Variants in EFEMP1 observed in about 807,000 individuals in gnomAD.
EFEMP1 encodes the protein EGF-containing fibulin-like extracellular matrix protein 1.
In EFEMP1, 18 loss-of-function variants were observed where a neutral mutation model predicts 65.7. That is an observed-to-expected ratio of 0.27 (90% CI 0.19 to 0.41). EFEMP1 has a LOEUF of 0.41. Ranked by LOEUF, EFEMP1 falls within the 10% of genes least tolerant of loss-of-function variation. The pLI, the probability that EFEMP1 is intolerant of heterozygous loss-of-function variation, is 1.00. For missense variants in EFEMP1, 469 were observed against 624.8 expected, an observed-to-expected ratio of 0.75 and a Z score of 2.66; for synonymous variants, 237 against 219.7, an observed-to-expected ratio of 1.08 and a Z score of -0.70.
At chr2:55,916,193 T>C (rs1246933340) in intron 5 of EFEMP1, among the ~76,000 whole-genome samples, 4 of 150,306 alleles carry the variant, frequency 2.7e-5, no homozygotes, top group Non-Finnish European at 5.9e-5. Flanking sequence ...CACTGCAACC[T>C]TCACCTCCCA....
chr2:55,884,601 G>C (rs1669357370), intron 5 of EFEMP1, among the ~76,000 whole-genome samples: 1 of 152,144 alleles, frequency 6.6e-6, no homozygotes, highest in African/African-American at 2.4e-5. Flanking sequence ...AGAAAAATCT[G>C]TTTCCTACAT....
At chr2:55,878,812 A>G (rs1328396636) in intron 6 of EFEMP1, among the ~76,000 whole-genome samples, 1 of 152,188 alleles carries the variant, frequency 6.6e-6, no homozygotes, top group Non-Finnish European at 1.5e-5. Context: ...TCGAGCTTGC[A>G]TTTCCTCTTC....
At chr2:55,874,895 C>T in intron 9 of EFEMP1, 51 bp downstream of exon 9, 1 of 1,558,672 alleles carries the variant, frequency 6.4e-7, no homozygotes, top group South Asian at 1.1e-5. Context: ...CCTCTTGTCT[C>T]TTCCTGGCTA....
intron 5 of EFEMP1, among the ~76,000 whole-genome samples, chr2:55,910,898 G>A (rs1670457081): frequency 6.6e-6 from 1 of 152,150 alleles, no homozygotes; most frequent in Non-Finnish European, 1.5e-5. Flanking sequence ...CAAAGTCAGA[G>A]TCAATCTCCT....
chr2:55,874,705 AG>A (rs1465442295), intron 9 of EFEMP1, among the ~76,000 whole-genome samples: 7 of 152,100 alleles, frequency 4.6e-5, no homozygotes, highest in African/African-American at 1.4e-4. Context: ...TAGGTTACAT[AG>A]AATACATATC....
intron 11 of EFEMP1, among the ~76,000 whole-genome samples, chr2:55,869,621 T>A (rs937863463): frequency 1.3e-5 from 2 of 152,120 alleles, no homozygotes; most frequent in African/African-American, 4.8e-5. Context: ...TGGGTAAACA[T>A]TAAAAATCTG....
chr2:55,876,793 C>T, intron 7 of EFEMP1, 51 bp from the exon 8 acceptor site: 11 of 1,082,342 alleles, frequency 1.0e-5, no homozygotes, highest in Non-Finnish European at 1.4e-5. Flanking sequence ...TATATACACA[C>T]ACATATATAT....
At chr2:55,869,333 A>C (rs1469416771) in intron 11 of EFEMP1, among the ~76,000 whole-genome samples, 1 of 152,194 alleles carries the variant, frequency 6.6e-6, no homozygotes, top group Non-Finnish European at 1.5e-5. Context: ...GGCTAGAATT[A>C]GTTAATTGGT....
chr2:55,891,338 T>G (rs1299393875), intron 5 of EFEMP1, among the ~76,000 whole-genome samples: 1 of 152,260 alleles, frequency 6.6e-6, no homozygotes, highest in Non-Finnish European at 1.5e-5. Context: ...AGTGTTAACA[T>G]GCTACATGCA....
intron 5 of EFEMP1, among the ~76,000 whole-genome samples, chr2:55,912,126 C>T (rs1049921377): frequency 1.3e-5 from 2 of 152,034 alleles, no homozygotes; most frequent in East Asian, 1.9e-4. Context: ...GCTAAATGCC[C>T]ATTTTTCTTA....
At position 55,876,507 on chromosome 2, in the gene EFEMP1, T is replaced by C; in HGVS notation, c.880+116A>G. 3 of 1,459,902 alleles carry C rather than the reference T, an allele frequency of 2.1e-6. No individual in the cohort carries two copies. The South Asian group carries it at 3.7e-5, about 18-fold the overall frequency. 90.4% of individuals were successfully genotyped at this position (1,459,902 alleles called of 1,614,324 possible). ...CAACTGAACTACATTAACTGGATTT[T>C]AGAACAGAATTCCCATGGGTAAGCG... On this transcript the variant is annotated intron_variant, in intron 8 of 11. Coordinates refer to ENST00000355426, the MANE Select transcript of EFEMP1 (RefSeq NM_001039348.3).
chr2:55,876,318 A>T (rs1235263097), intron 8 of EFEMP1, among the ~76,000 whole-genome samples: 4 of 152,152 alleles, frequency 2.6e-5, no homozygotes, highest in African/African-American at 9.7e-5. Context: ...TGCATTTCTC[A>T]TAAGCTCCCA....
chr2:55,922,166 A>G lies in EFEMP1; in HGVS notation c.81+194T>C. ...ATGTTGGTTCCTATCTTAGGTGGTG[A>G]GCCCAATGAACTTTTGAAAGGATCA... On this transcript the variant is annotated intron_variant, in intron 3 of 11. Coordinates refer to ENST00000355426, the MANE Select transcript of EFEMP1 (RefSeq NM_001039348.3). The surrounding 1 kb of genome is among the most constrained non-coding windows in gnomAD (Gnocchi z 5.5). The G allele has an allele frequency of 1.7e-6, 1 of 584,488 alleles. No individual in the cohort carries two copies. The highest frequency in any genetic ancestry group is 3.1e-6 in the Non-Finnish European group (1 of 319,260). The allele number at this position is 584,488 out of a possible 1,614,324, so 36.2% of individuals were successfully genotyped here. A position where few individuals can be genotyped will look rare whatever the true frequency, so the allele number is the denominator to read the frequency against.
intron 9 of EFEMP1, among the ~76,000 whole-genome samples, chr2:55,872,604 A>G (rs934466409): frequency 1.3e-4 from 20 of 152,126 alleles, no homozygotes; most frequent in African/African-American, 4.1e-4. Context: ...TCAAGTTCAT[A>G]TACTCTAAAT....
chr2:55,877,567 G>C lies in EFEMP1; in HGVS notation c.760+179C>G, dbSNP rs1279258318. Among the ~76,000 whole-genome samples the C allele has an allele frequency of 6.6e-6, 1 of 152,092 alleles. No individual in the cohort carries two copies. The highest frequency in any genetic ancestry group is 1.5e-5 in the Non-Finnish European group (1 of 68,008). ...TAAAACCAAAGTTAAAAAGTTTTCT[G>C]TTCACATCTTGATGTGTTTTAAGAC... On this transcript the variant is annotated intron_variant, in intron 7 of 11. Transcript: ENST00000355426. This position sits in a 1 kb window ranked among gnomAD's most constrained non-coding sequence, Gnocchi z 4.5.
At position 55,870,578 on chromosome 2, in the gene EFEMP1, G is replaced by T; in HGVS notation, c.1320+142C>A. 2.2e-6 allele frequency: 2 copies of T among 893,008 alleles called. No homozygotes were observed. The highest frequency in any genetic ancestry group is 3.1e-4 in the Middle Eastern group (1 of 3,186). The allele number at this position is 893,008 out of a possible 1,614,324, so 55.3% of individuals were successfully genotyped here. ...ATAAATGAAATAATGTAGCTGGAAG[G>T]CCTTACACAATGCCTACACATAAGA... On this transcript the variant is annotated intron_variant, in intron 11 of 11. Coordinates refer to ENST00000355426, the MANE Select transcript of EFEMP1 (RefSeq NM_001039348.3). This position sits in a 1 kb window ranked among gnomAD's most constrained non-coding sequence, Gnocchi z 5.8.
At chr2:55,879,419 T>C (rs905324908) in intron 6 of EFEMP1, among the ~76,000 whole-genome samples, 2 of 152,252 alleles carry the variant, frequency 1.3e-5, no homozygotes, top group African/African-American at 4.8e-5. Flanking sequence ...GGCTATGAAT[T>C]TGTAAAATTT....
chr2:55,907,271 G>T (rs1248065806), intron 5 of EFEMP1, among the ~76,000 whole-genome samples: 2 of 152,160 alleles, frequency 1.3e-5, no homozygotes, highest in Non-Finnish European at 2.9e-5. Flanking sequence ...ATGTGTATAG[G>T]CATGTACTTG....
In EFEMP1 at chr2:55,873,066, C is replaced by CCACACACA. The variant is rs58841515; in HGVS notation, c.1000+1872_1000+1879dup. Among the ~76,000 whole-genome samples, 12,324 of 145,290 alleles carry CCACACACA rather than the reference C, an allele frequency of 0.085. 658 individuals are homozygous for CCACACACA. Among genetic ancestry groups the CCACACACA allele is most frequent in the East Asian group, 0.17 (847 of 4,842 alleles). On this transcript the variant is annotated intron_variant, in intron 9 of 11. Coordinates refer to ENST00000355426, the MANE Select transcript of EFEMP1 (RefSeq NM_001039348.3). The surrounding 1 kb of genome is among the most constrained non-coding windows in gnomAD (Gnocchi z 4.6). ...TTCTTTTGTCTCTCTGTCTCTCTCTCCACACACACACACACACACACACAC... is the reference window on the plus strand; with the variant it reads ...TTCTTTTGTCTCTCTGTCTCTCTCTCCACACACACACACACACACACACACACACACAC...
Sources: gnomAD v4.1 joint callset for allele counts (sites outside exome capture counted in the v4.1 genomes callset) on GRCh38, gnomAD v4.1.1 for gene constraint, Gnocchi (gnomAD v3.1) non-coding constraint, MANE v1.5 for transcripts, NCBI Gene and HGNC (gene_info 2026-07-23, HGNC 2026-07-21) for gene names.